SRGAP2: variants seen among roughly 807,000 people sequenced by gnomAD.
SRGAP2 encodes SLIT-ROBO Rho GTPase activating protein 2, also known as SLIT-ROBO Rho GTPase-activating protein 2.
In SRGAP2, 15 loss-of-function variants were observed where a neutral mutation model predicts 57.2. The ratio of observed to expected loss-of-function variants is 0.26; its 90% confidence interval spans 0.18 to 0.40. The LOEUF is 0.40. Ranked by LOEUF, SRGAP2 falls within the 10% of genes least tolerant of loss-of-function variation. The pLI is 1.00. For synonymous variants in SRGAP2, 249 were observed against 248.0 expected, an observed-to-expected ratio of 1.00 and a Z score of -0.04; for missense variants, 520 against 669.6, an observed-to-expected ratio of 0.78 and a Z score of 2.47.
chr1:206,322,998 A>G (rs536144801), intron 3 of SRGAP2, among the ~76,000 whole-genome samples: 3,196 of 151,186 alleles, frequency 0.021, 113 homozygotes, highest in African/African-American at 0.075. Flanking sequence ...ATCCAGTCCC[A>G]CAAGAGTGAG....
intron 13 of SRGAP2, among the ~76,000 whole-genome samples, chr1:206,426,565 C>A (rs955568484): frequency 6.6e-6 from 1 of 152,106 alleles, no homozygotes; most frequent in South Asian, 2.1e-4. Flanking sequence ...TGTTTTTTTG[C>A]GGTAGCTGTT....
intron 10 of SRGAP2, among the ~76,000 whole-genome samples, chr1:206,408,712 C>G (rs1658915714): frequency 6.8e-6 from 1 of 147,720 alleles, no homozygotes; most frequent in African/African-American, 2.7e-5. Context: ...CTTTTTGGCT[C>G]TAAATGAATT....
At chr1:206,252,961 C>G (rs1668927975) in intron 2 of SRGAP2, among the ~76,000 whole-genome samples, 1 of 136,322 alleles carries the variant, frequency 7.3e-6, no homozygotes, top group African/African-American at 2.9e-5. Context: ...TGTCCCTACA[C>G]AACTTTTCCT....
At chr1:206,279,609 A>G (rs1227304392) in intron 2 of SRGAP2, among the ~76,000 whole-genome samples, 2 of 129,648 alleles carry the variant, frequency 1.5e-5, no homozygotes, top group African/African-American at 3.2e-5. Flanking sequence ...TGTAGAGACA[A>G]GGTCTCCTTA....
At chr1:206,302,673 C>A (rs1160928980) in intron 2 of SRGAP2, among the ~76,000 whole-genome samples, 3 of 152,196 alleles carry the variant, frequency 2.0e-5, no homozygotes, top group African/African-American at 7.2e-5. Flanking sequence ...GTTTTGATTG[C>A]TACCATTTGA....
At chr1:206,395,985 CTTTTTT>C (rs375908687) in intron 7 of SRGAP2, among the ~76,000 whole-genome samples, 3 of 131,204 alleles carry the variant, frequency 2.3e-5, no homozygotes, top group Admixed American at 7.4e-5. Context: ...TCTCATGTTT[CTTTTTT>C]TTTTTTTTTG....
At position 206,447,643 on chromosome 1, in the gene SRGAP2, G is replaced by C. The variant is rs139638761; in HGVS notation, c.2099+1344G>C. On this transcript the variant is annotated intron_variant, in intron 18 of 22. Transcript: ENST00000573034. ...TGATGAGCTCCAGGGAGCTGTCCTTGTGCATGTGACTTAGAGCTTTGGTTT... is the reference window on the plus strand; with the variant it reads ...TGATGAGCTCCAGGGAGCTGTCCTTCTGCATGTGACTTAGAGCTTTGGTTT... 2.6e-5 allele frequency among the ~76,000 whole-genome samples: 4 copies of C among 152,350 alleles called. No individual in the cohort carries two copies. In the East Asian group the frequency reaches 5.8e-4, roughly 22 times the overall value.
chr1:206,411,214 A>C (rs1659193448), intron 10 of SRGAP2, among the ~76,000 whole-genome samples: 1 of 152,204 alleles, frequency 6.6e-6, no homozygotes, highest in African/African-American at 2.4e-5. Flanking sequence ...TGGGGGATAG[A>C]ACAGTGAAGG....
At chr1:206,372,958 TTCTTTC>T (rs1336892556) in intron 4 of SRGAP2, among the ~76,000 whole-genome samples, 9,249 of 23,674 alleles carry the variant, frequency 0.39, 2,197 homozygotes, top group African/African-American at 0.49. Context: ...TTTCTTTCTT[TTCTTTC>T]CTTTCTTTCT....
intron 2 of SRGAP2, among the ~76,000 whole-genome samples, chr1:206,255,609 A>G (rs1669136327): frequency 1.5e-5 from 2 of 134,942 alleles, no homozygotes; most frequent in African/African-American, 2.7e-5. Context: ...CTTGACAGGA[A>G]TTTTGAATGG....
chr1:206,446,932 C>T (rs1159436440), intron 18 of SRGAP2, among the ~76,000 whole-genome samples: 2 of 152,090 alleles, frequency 1.3e-5, no homozygotes, highest in Non-Finnish European at 2.9e-5. Flanking sequence ...TTTGCTAGAC[C>T]CCTCTGTTTG....
At chr1:206,427,499 T>C (rs1448591477) in intron 13 of SRGAP2, among the ~76,000 whole-genome samples, 1 of 152,194 alleles carries the variant, frequency 6.6e-6, no homozygotes, top group Non-Finnish European at 1.5e-5. Flanking sequence ...GTACTCCCTT[T>C]GGCATCATCC....
At position 206,454,254 on chromosome 1, in the gene SRGAP2, A is replaced by T; in HGVS notation, c.2361-624A>T. ...AAACCTGGTGGCAATCTGTGCGTGG[A>T]CAGGACCCTCCCAAATTTAGCATTA... is the stretch of plus-strand genomic sequence containing the variant. On this transcript the variant is annotated intron_variant, in intron 20 of 22. Transcript: ENST00000573034. This position sits in a 1 kb window ranked among gnomAD's most constrained non-coding sequence, Gnocchi z 4.3. 1 of 696,846 alleles carries T rather than the reference A, an allele frequency of 1.4e-6. No homozygotes were observed. Among genetic ancestry groups the T allele is most frequent in the Non-Finnish European group, 2.6e-6 (1 of 382,002 alleles). The allele number at this position is 696,846 out of a possible 1,614,324, so 43.2% of individuals were successfully genotyped here. A position where few individuals can be genotyped will look rare whatever the true frequency, so the allele number is the denominator to read the frequency against.
intron 11 of SRGAP2, among the ~76,000 whole-genome samples, chr1:206,416,864 G>A (rs1477856846): frequency 2.6e-5 from 4 of 152,112 alleles, no homozygotes; most frequent in Non-Finnish European, 5.9e-5. Flanking sequence ...TCAGTTACAG[G>A]CAAGCCTGTA....
At chr1:206,259,850 A>G (rs2102618824) in intron 2 of SRGAP2, among the ~76,000 whole-genome samples, 1 of 118,086 alleles carries the variant, frequency 8.5e-6, no homozygotes, top group South Asian at 3.2e-4. Flanking sequence ...ACCCATTAGA[A>G]GTCCTGAACA....
chr1:206,378,894 C>T (rs1655466800), intron 4 of SRGAP2, among the ~76,000 whole-genome samples: 1 of 152,194 alleles, frequency 6.6e-6, no homozygotes, highest in South Asian at 2.1e-4. Flanking sequence ...ATTATAGACA[C>T]ATATTATGCT....
intron 13 of SRGAP2, among the ~76,000 whole-genome samples, chr1:206,424,456 AC>A (rs1328529781): frequency 1.3e-5 from 2 of 152,132 alleles, no homozygotes; most frequent in African/African-American, 4.8e-5. Flanking sequence ...GGAGTTCGAG[AC>A]CAGCCTGGCC....
chr1:206,327,191 G>A (rs1176754230), intron 3 of SRGAP2, among the ~76,000 whole-genome samples: 1 of 152,126 alleles, frequency 6.6e-6, no homozygotes, highest in Non-Finnish European at 1.5e-5. Context: ...GCCGGGCATG[G>A]TGGCACATGC....
intron 4 of SRGAP2, among the ~76,000 whole-genome samples, chr1:206,370,372 T>C (rs1406676451): frequency 2.0e-5 from 3 of 152,202 alleles, no homozygotes; most frequent in Non-Finnish European, 2.9e-5. Flanking sequence ...ACCTATACAA[T>C]TTAAACAAAA....
Sources: allele counts gnomAD v4.1 joint callset (sites outside exome capture counted in the v4.1 genomes callset), GRCh38; gene constraint gnomAD v4.1.1; non-coding constraint Gnocchi (gnomAD v3.1); transcripts MANE v1.5; gene names NCBI Gene and HGNC (gene_info 2026-07-23, HGNC 2026-07-21).